The following ULK2 variants were observed in gnomAD, a reference collection of about 807,000 sequenced individuals.
ULK2 encodes serine/threonine-protein kinase ULK2.
Under a neutral mutation model 127.5 loss-of-function variants are expected in ULK2, and 76 were observed. The ratio of observed to expected loss-of-function variants is 0.60; its 90% CI spans 0.50 to 0.72. The LOEUF (loss-of-function observed/expected upper bound fraction) is 0.72. Among genes scored for constraint, ULK2 ranks in the 30% least tolerant of loss-of-function variants. The probability of loss-of-function intolerance (pLI) is 0.00; values close to 1 mark genes in which losing one functional copy is unlikely to be tolerated. For synonymous variants in ULK2, 452 were observed against 461.9 expected, an observed-to-expected ratio of 0.98 and a Z score of 0.28; for missense variants, 1,144 against 1,295.9, an observed-to-expected ratio of 0.88 and a Z score of 1.80.
At chr17:19,865,642 G>C in intron 2 of ULK2, 94 bp downstream of exon 2, 1 of 671,212 alleles carries the variant, frequency 1.5e-6, no homozygotes, top group Non-Finnish European at 2.3e-6. Flanking sequence ...TCTCAAACTT[G>C]GACCCAACTA....
intron 16 of ULK2, among the ~76,000 whole-genome samples, 179 bp downstream of exon 16, chr17:19,801,598 G>A (rs1032183283): frequency 3.3e-5 from 5 of 152,004 alleles, no homozygotes; most frequent in African/African-American, 1.2e-4. Flanking sequence ...AGAAAGAAAA[G>A]GAAAAAGAAA....
intron 3 of ULK2, among the ~76,000 whole-genome samples, chr17:19,851,584 G>C (rs1391417420): frequency 1.3e-5 from 2 of 151,764 alleles, no homozygotes; most frequent in East Asian, 1.9e-4. Flanking sequence ...AGGTTGCAGT[G>C]AGCTGAGACC....
At chr17:19,853,697 G>A (rs560882278) in intron 3 of ULK2, among the ~76,000 whole-genome samples, 6 of 151,478 alleles carry the variant, frequency 4.0e-5, no homozygotes, top group Admixed American at 3.9e-4. Context: ...TCAGCCTCCC[G>A]AGTAGCTGGG....
At chr17:19,789,111 G>T (rs2087097643) in intron 20 of ULK2, among the ~76,000 whole-genome samples, 1 of 152,138 alleles carries the variant, frequency 6.6e-6, no homozygotes, top group Non-Finnish European at 1.5e-5. Flanking sequence ...GCCAAGCAAT[G>T]ATTAAAGAGG....
chr17:19,843,338 C>T, intron 7 of ULK2, 116 bp from the exon 8 acceptor site: 2 of 589,796 alleles, frequency 3.4e-6, no homozygotes, highest in East Asian at 6.1e-5. Flanking sequence ...AAAACAACAC[C>T]CTGTGATAGT....
rs186576200 is a variant in ULK2 at position 19,817,845 on chromosome 17, C to T, written c.925-925G>A. On this transcript the variant is annotated intron_variant, in intron 12 of 26. Transcript: ENST00000395544. ...TTTGAATGTCACTGTGCCATGGTAT[C>T]GGTCACTGATACCACTTATTTTCAT... Among the ~76,000 whole-genome samples the T allele has an allele frequency of 1.3e-3, 204 of 152,292 alleles. 1 individual carries two copies. The highest frequency in any genetic ancestry group is 8.1e-3 in the South Asian group (39 of 4,826).
chr17:19,860,162 CAA>C (rs1250633123), intron 3 of ULK2, among the ~76,000 whole-genome samples: 1 of 142,484 alleles, frequency 7.0e-6, no homozygotes, highest in Non-Finnish European at 1.5e-5. Context: ...ACAAATATAC[CAA>C]AGAGTGGTTA....
At position 19,773,382 on chromosome 17, in the gene ULK2, AG is replaced by A. The variant is rs1342081005; in HGVS notation, c.*2966del. 2.6e-5 allele frequency: 4 copies of A among 152,086 alleles called. No individual in the cohort carries two copies. Among genetic ancestry groups the A allele is most frequent in the African/African-American group, 9.7e-5 (4 of 41,390 alleles). The allele number at this position is 152,086 out of a possible 1,614,324, so 9.4% of individuals were successfully genotyped here. On this transcript the variant is annotated 3_prime_UTR_variant, in exon 27 of 27. Transcript: ENST00000395544. ...ATTACTGTGCAGACTGAGGCAATCC[AG>A]CCCTAAAAATCCTCTCCTCTCAAGC... is the stretch of plus-strand genomic sequence containing the variant.
chr17:19,831,968 A>C (rs558235244), intron 10 of ULK2, among the ~76,000 whole-genome samples: 1 of 152,276 alleles, frequency 6.6e-6, no homozygotes, highest in South Asian at 2.1e-4. Context: ...TCTACTAAAA[A>C]TACAAAATAG....
At chr17:19,835,991 G>T (rs1047090580) in intron 10 of ULK2, among the ~76,000 whole-genome samples, 1 of 151,748 alleles carries the variant, frequency 6.6e-6, no homozygotes, top group African/African-American at 2.4e-5. Flanking sequence ...ACTGGGCCGC[G>T]CCCGGTGGCT....
At chr17:19,819,669 A>C (rs758367869) in intron 12 of ULK2, among the ~76,000 whole-genome samples, 43 of 152,128 alleles carry the variant, frequency 2.8e-4, no homozygotes, top group Non-Finnish European at 5.6e-4. Flanking sequence ...ATTCCAAAGC[A>C]CTGCTCCCCA....
At chr17:19,840,524 A>G (rs2041719608) in intron 9 of ULK2, 8 of 435,886 alleles carry the variant, frequency 1.8e-5, no homozygotes, top group South Asian at 1.6e-4. Context: ...AAGTCTGTCA[A>G]TGATGACTAT....
At chr17:19,804,465 A>T (rs1446421827) in intron 15 of ULK2, among the ~76,000 whole-genome samples, 1 of 151,758 alleles carries the variant, frequency 6.6e-6, no homozygotes, top group African/African-American at 2.4e-5. Context: ...TATACTTAAC[A>T]TATATAAAAT....
chr17:19,777,968 T>C (rs991204341), intron 25 of ULK2, among the ~76,000 whole-genome samples: 5 of 152,242 alleles, frequency 3.3e-5, no homozygotes, highest in African/African-American at 1.2e-4. Context: ...AATTTCATAC[T>C]AGAACCCTTC....
In ULK2 at chr17:19,845,525, T is replaced by G; in HGVS notation, c.470-148A>C. ...ATTAGACTGTCCACCAAAAAAAAAGTAGCTACCTTGATTTCAGCAAGCTAA... is the reference window on the plus strand; with the variant it reads ...ATTAGACTGTCCACCAAAAAAAAAGGAGCTACCTTGATTTCAGCAAGCTAA... On this transcript the variant is annotated intron_variant, in intron 6 of 26. Transcript: ENST00000395544. 4 of 578,866 alleles carry G rather than the reference T, an allele frequency of 6.9e-6. No homozygotes were observed. In the South Asian group the frequency reaches 9.7e-5, roughly 14 times the overall value. 35.9% of individuals were successfully genotyped at this position (578,866 alleles called of 1,614,324 possible).
chr17:19,853,713 A>T (rs2042066076), intron 3 of ULK2, among the ~76,000 whole-genome samples: 1 of 151,958 alleles, frequency 6.6e-6, no homozygotes, highest in Non-Finnish European at 1.5e-5. Context: ...CTGGGACTAC[A>T]GGCACCTGCC....
intron 12 of ULK2, among the ~76,000 whole-genome samples, chr17:19,820,566 A>G (rs952958642): frequency 6.6e-6 from 1 of 152,220 alleles, no homozygotes; most frequent in Non-Finnish European, 1.5e-5. Context: ...CCAGCTAGCT[A>G]AGGCTACTAA....
At chr17:19,784,819 C>T (rs543177882) in intron 21 of ULK2, among the ~76,000 whole-genome samples, 1 of 152,098 alleles carries the variant, frequency 6.6e-6, no homozygotes, top group Admixed American at 6.5e-5. Context: ...AACCACCATG[C>T]CCAGTCTTGG....
At chr17:19,842,184 CTTTTTCTTTTTTTT>C (rs1208294869) in intron 8 of ULK2, among the ~76,000 whole-genome samples, 19 of 119,246 alleles carry the variant, frequency 1.6e-4, no homozygotes, top group African/African-American at 6.3e-4. Context: ...CACTAATTTT[CTTTTTCTTTTTTTT>C]TTTTTTTTTT....
Sources: allele counts gnomAD v4.1 joint callset (sites outside exome capture counted in the v4.1 genomes callset), GRCh38; gene constraint gnomAD v4.1.1; transcripts MANE v1.5; gene names NCBI Gene and HGNC (gene_info 2026-07-23, HGNC 2026-07-21).